TBC1D19: variants seen among roughly 807,000 people sequenced by gnomAD.
TBC1D19 encodes the protein TBC1 domain family member 19.
Under a neutral mutation model 89.0 loss-of-function variants are expected in TBC1D19, and 60 were observed. The observed-to-expected ratio is 0.67, with a 90% CI of 0.55 to 0.84. The LOEUF is 0.84. TBC1D19 is among the 40% of genes least tolerant of loss of function. The pLI is 0.00. For synonymous variants in TBC1D19, 189 were observed against 199.7 expected, an observed-to-expected ratio of 0.95 and a Z score of 0.45; for missense variants, 500 against 610.8, an observed-to-expected ratio of 0.82 and a Z score of 1.91.
At chr4:26,821,214 C>T in the TBC1D19 span, among the ~76,000 whole-genome samples, 12 of 152,194 alleles carry the variant, frequency 7.9e-5, no homozygotes, top group East Asian at 2.1e-3. Context: ...TATTTAAATG[C>T]TCCTCCCTTC....
chr4:26,792,132 T>A, the TBC1D19 span, among the ~76,000 whole-genome samples: 1 of 151,910 alleles, frequency 6.6e-6, no homozygotes, highest in Admixed American at 6.6e-5. Flanking sequence ...CCAGAAGAGG[T>A]TTATGCATTT....
intron 7 of TBC1D19, among the ~76,000 whole-genome samples, chr4:26,658,045 C>G (rs1165287893): frequency 6.6e-6 from 1 of 152,088 alleles, no homozygotes; most frequent in East Asian, 1.9e-4. Flanking sequence ...TGCCTGTTCA[C>G]TCTGATGATA....
At chr4:26,619,988 G>T (rs1216306469) in intron 3 of TBC1D19, among the ~76,000 whole-genome samples, 1 of 152,194 alleles carries the variant, frequency 6.6e-6, no homozygotes, top group Non-Finnish European at 1.5e-5. Flanking sequence ...GTTATATATT[G>T]TTGTGAAATG....
chr4:26,617,547 A>G (rs1468363860), intron 3 of TBC1D19, among the ~76,000 whole-genome samples: 1 of 152,228 alleles, frequency 6.6e-6, no homozygotes, highest in Non-Finnish European at 1.5e-5. Context: ...CATATTTCCT[A>G]TAGCATCAAA....
intron 15 of TBC1D19, among the ~76,000 whole-genome samples, chr4:26,732,084 G>A (rs527881348): frequency 6.9e-4 from 105 of 151,748 alleles, no homozygotes; most frequent in African/African-American, 2.4e-3. Flanking sequence ...AAGAATATTC[G>A]TAACATCCTT....
At chr4:26,708,025 G>C (rs1182995912) in intron 13 of TBC1D19, among the ~76,000 whole-genome samples, 1 of 152,040 alleles carries the variant, frequency 6.6e-6, no homozygotes, top group Non-Finnish European at 1.5e-5. Flanking sequence ...AAAAAATGGA[G>C]TTACAAACCT....
At chr4:26,627,295 G>C (rs947549552) in intron 4 of TBC1D19, among the ~76,000 whole-genome samples, 3 of 152,096 alleles carry the variant, frequency 2.0e-5, no homozygotes, top group South Asian at 2.1e-4. Context: ...ATCATTGTTG[G>C]ACATTTGGGT....
intron 8 of TBC1D19, among the ~76,000 whole-genome samples, chr4:26,664,246 G>A (rs190009637): frequency 5.9e-5 from 9 of 152,262 alleles, no homozygotes; most frequent in African/African-American, 2.2e-4. Flanking sequence ...AATGTCAAGG[G>A]AGGCTTCTCT....
intron 18 of TBC1D19, among the ~76,000 whole-genome samples, chr4:26,744,387 C>T (rs1718529912): frequency 6.6e-6 from 1 of 150,926 alleles, no homozygotes; most frequent in Non-Finnish European, 1.5e-5. Flanking sequence ...TTTATTTTTA[C>T]TCTTATATTT....
chr4:26,728,795 C>T (rs1370157365), intron 15 of TBC1D19, among the ~76,000 whole-genome samples: 3 of 152,012 alleles, frequency 2.0e-5, no homozygotes, highest in Non-Finnish European at 2.9e-5. Flanking sequence ...GGGCGGATCA[C>T]GAGGTCAGGA....
the TBC1D19 span, among the ~76,000 whole-genome samples, chr4:26,827,721 T>G: frequency 7.3e-5 from 11 of 151,258 alleles, no homozygotes; most frequent in Non-Finnish European, 1.3e-4. Context: ...TGTTTTGTTT[T>G]TTTTTTTTTG....
the TBC1D19 span, among the ~76,000 whole-genome samples, chr4:26,828,569 C>G: frequency 1.3e-5 from 2 of 152,246 alleles, no homozygotes; most frequent in Non-Finnish European, 2.9e-5. Context: ...CAAATCTATG[C>G]ACGTCCAAGT....
chr4:26,817,981 AATAT>A, the TBC1D19 span, among the ~76,000 whole-genome samples: 15 of 126,050 alleles, frequency 1.2e-4, 1 homozygote, highest in South Asian at 4.7e-4. Flanking sequence ...AAAAAAAAAA[AATAT>A]ATATATATAT....
At chr4:26,659,535 A>G in intron 7 of TBC1D19, 62 bp from the exon 8 acceptor site, 1 of 1,093,104 alleles carries the variant, frequency 9.1e-7, no homozygotes. Context: ...ATCCCTGCTA[A>G]TTTTATAAGT....
intron 13 of TBC1D19, among the ~76,000 whole-genome samples, chr4:26,711,815 G>A (rs1487832352): frequency 6.6e-6 from 1 of 152,002 alleles, no homozygotes; most frequent in Non-Finnish European, 1.5e-5. Context: ...TTTCCATACA[G>A]ATACAAAAAT....
chr4:26,650,990 G>T (rs11723294), intron 7 of TBC1D19, among the ~76,000 whole-genome samples: 59,254 of 151,850 alleles, frequency 0.39, 12,287 homozygotes, highest in Non-Finnish European at 0.47. Context: ...CCCCATTGCT[G>T]GTTTTTCTCA....
intron 13 of TBC1D19, among the ~76,000 whole-genome samples, chr4:26,701,713 T>G (rs1245978189): frequency 6.6e-6 from 1 of 152,100 alleles, no homozygotes; most frequent in Non-Finnish European, 1.5e-5. Context: ...AACTGACTCA[T>G]AAACAGATTA....
chr4:26,611,697 T>C (rs928318411), intron 1 of TBC1D19, among the ~76,000 whole-genome samples: 10 of 152,140 alleles, frequency 6.6e-5, no homozygotes, highest in Admixed American at 5.9e-4. Context: ...TTAGCTAGAA[T>C]TATTTTGCAA....
At chr4:26,682,982 G>T (rs1009869052) in intron 11 of TBC1D19, among the ~76,000 whole-genome samples, 1 of 152,040 alleles carries the variant, frequency 6.6e-6, no homozygotes, top group South Asian at 2.1e-4. Context: ...GTCTCAGTCT[G>T]TTGCCCAGGC....
Sources: allele counts gnomAD v4.1 joint callset (sites outside exome capture counted in the v4.1 genomes callset), GRCh38; gene constraint gnomAD v4.1.1; transcripts MANE v1.5; gene names NCBI Gene and HGNC (gene_info 2026-07-23, HGNC 2026-07-21).